The following TRIM3 variants were observed in gnomAD, a reference collection of about 807,000 sequenced individuals.
TRIM3 encodes tripartite motif containing 3.
A neutral mutation model predicts 66.6 loss-of-function variants in TRIM3; 13 were observed. That is an observed-to-expected ratio of 0.20 (90% CI 0.13 to 0.31). The LOEUF (loss-of-function observed/expected upper bound fraction) is 0.31, where lower values mean the gene tolerates loss of function less well. TRIM3 is among the 10% of genes least tolerant of loss of function. TRIM3 has a pLI of 1.00. For missense variants in TRIM3, 711 were observed against 1,020.4 expected, an observed-to-expected ratio of 0.70 and a Z score of 4.13; for synonymous variants, 406 against 411.7, an observed-to-expected ratio of 0.99 and a Z score of 0.17.
intron 1 of TRIM3, among the ~76,000 whole-genome samples, chr11:6,468,061 T>C (rs899269023): frequency 6.6e-6 from 1 of 151,590 alleles, no homozygotes; most frequent in Non-Finnish European, 1.5e-5. Flanking sequence ...AGGAAGGAGG[T>C]TCACTTGAGC....
chr11:6,451,593 G>A (rs1849721917), intron 7 of TRIM3, 155 bp from the exon 8 acceptor site: 2 of 752,384 alleles, frequency 2.7e-6, no homozygotes, highest in Admixed American at 5.7e-5. Context: ...ATGGCAGCAG[G>A]TCTGGGGCAA....
chr11:6,470,894 T>C (rs1850663504), intron 1 of TRIM3, among the ~76,000 whole-genome samples: 3 of 152,166 alleles, frequency 2.0e-5, no homozygotes, highest in Admixed American at 2.0e-4. Flanking sequence ...ACAGATGTCA[T>C]GAATGCCAAG....
rs1850050790 is a variant in TRIM3 at position 6,457,548 on chromosome 11, C to A, written c.516-72G>T. The A allele has an allele frequency of 3.2e-6, 5 of 1,571,726 alleles. No homozygotes were observed. Among genetic ancestry groups the A allele is most frequent in the East Asian group, 2.2e-5 (1 of 44,510 alleles). On this transcript the variant is annotated intron_variant, in intron 4 of 11. Coordinates refer to ENST00000345851, the MANE Select transcript of TRIM3 (RefSeq NM_033278.4). The surrounding 1 kb of genome is among the most constrained non-coding windows in gnomAD (Gnocchi z 4.5). Reference sequence around the variant, plus strand: ...CGAACTTTCCCTTCTCCCTGGGGAACCTACTGCTGCCCTCATGGAGATCTC... The same window carrying A: ...CGAACTTTCCCTTCTCCCTGGGGAAACTACTGCTGCCCTCATGGAGATCTC...
intron 2 of TRIM3, among the ~76,000 whole-genome samples, chr11:6,461,663 T>C (rs1039388603): frequency 1.3e-5 from 2 of 152,176 alleles, no homozygotes; most frequent in African/African-American, 4.8e-5. Context: ...AGCAGCTTTC[T>C]TCCAAGCTCA....
intron 7 of TRIM3, chr11:6,453,259 G>A (rs1444621482): frequency 1.3e-5 from 2 of 152,200 alleles, no homozygotes; most frequent in Non-Finnish European, 2.9e-5. Flanking sequence ...ATCTGCAAAA[G>A]TGAATTCATC....
At chr11:6,467,700 G>T (rs973064769) in intron 1 of TRIM3, among the ~76,000 whole-genome samples, 2 of 152,184 alleles carry the variant, frequency 1.3e-5, no homozygotes, top group African/African-American at 4.8e-5. Context: ...AGGAGGTCGA[G>T]GCTGCAGTGA....
chr11:6,465,647 T>C lies in TRIM3; in HGVS notation c.49A>G (p.Lys17Glu). 6.2e-7 allele frequency: 1 copy of C among 1,614,192 alleles called. No individual in the cohort carries two copies. The highest frequency in any genetic ancestry group is 8.5e-7 in the Non-Finnish European group (1 of 1,180,024). The change falls in exon 2 of 12, where the codon AAG becomes GAG. Residue 17 changes from lysine to glutamate, a missense_variant. By Grantham distance (56) the Lys-to-Glu change is moderately conservative. Coordinates refer to ENST00000345851, the MANE Select transcript of TRIM3 (RefSeq NM_033278.4). ...SPGPEVQPMD[K>E]QFLVCSICLD... ...CAGATGCTGCATACCAGGAACTGCT[T>C]GTCCATTGGCTGGACCTCTGGGCCA... is the stretch of plus-strand genomic sequence containing the variant.
In TRIM3 at chr11:6,470,028, T is replaced by C. The variant is rs140688200; in HGVS notation, c.-38+3763A>G. 5.5e-3 allele frequency among the ~76,000 whole-genome samples: 836 copies of C among 152,310 alleles called. 3 individuals carry two copies. The highest frequency in any genetic ancestry group is 0.027 in the Middle Eastern group (8 of 294). On this transcript the variant is annotated intron_variant, in intron 1 of 11. Transcript: ENST00000345851. The stretch of plus-strand genomic sequence containing the variant: ...ATCATGCAATGCCTTGTTGGTCTTA[T>C]TAAGGAGTTTAGACTTTACGCTTAC...
rs1425228670 is a variant in TRIM3, at chr11:6,458,412, T to C, written c.132-116A>G. ...TCACAGGTGTGCCATTACACTTCAT[T>C]TTAAAACCTCTCTGCTTGACACATC... is the stretch of plus-strand genomic sequence containing the variant. On this transcript the variant is annotated intron_variant, in intron 2 of 11. Transcript: ENST00000345851. The surrounding 1 kb of genome is among the most constrained non-coding windows in gnomAD (Gnocchi z 6.2). The C allele has an allele frequency of 1.2e-6, 1 of 814,612 alleles. No homozygotes were observed. Among genetic ancestry groups the C allele is most frequent in the African/African-American group, 1.7e-5 (1 of 57,970 alleles). The allele number at this position is 814,612 out of a possible 1,614,324, so 50.5% of individuals were successfully genotyped here. A position where few individuals can be genotyped will look rare whatever the true frequency, so the allele number is the denominator to read the frequency against.
chr11:6,454,628 C>G (rs1334780152), intron 7 of TRIM3, among the ~76,000 whole-genome samples: 1 of 152,148 alleles, frequency 6.6e-6, no homozygotes, highest in Non-Finnish European at 1.5e-5. Context: ...CAATCCCCTC[C>G]TCACTATCCA....
Position 6,465,644 on chromosome 11 carries a change from G to C in TRIM3, c.52C>G (p.Gln18Glu). 2 of 1,614,188 alleles carry C rather than the reference G, an allele frequency of 1.2e-6. No homozygotes were observed. Among genetic ancestry groups the C allele is most frequent in the Non-Finnish European group, 8.5e-7 (1 of 1,180,032 alleles). Residue 18 changes from glutamine to glutamate, a missense_variant, in exon 2 of 12, where the codon CAG becomes GAG. Gln to Glu is a conservative substitution (Grantham distance 29). Around this residue, in one of 3 missense-constraint regions of TRIM3, gnomAD observed 149 missense variants for 240.3 expected, o/e 0.62. Coordinates refer to ENST00000345851, the MANE Select transcript of TRIM3 (RefSeq NM_033278.4). ...PGPEVQPMDKQFLVCSICLDR... is the reference protein window; with the variant it reads ...PGPEVQPMDKEFLVCSICLDR... ...AGGCAGATGCTGCATACCAGGAACT[G>C]CTTGTCCATTGGCTGGACCTCTGGG...
chr11:6,465,780 C>A, intron 1 of TRIM3, 48 bp from the exon 2 acceptor site: 1 of 1,532,052 alleles, frequency 6.5e-7, no homozygotes, highest in South Asian at 1.2e-5. Flanking sequence ...CTTCTTCTCC[C>A]CACCCAATCC....
intron 1 of TRIM3, among the ~76,000 whole-genome samples, chr11:6,470,460 G>A (rs534428381): frequency 1.9e-3 from 282 of 152,252 alleles, no homozygotes; most frequent in Non-Finnish European, 2.4e-3. Context: ...CTGGAATGTG[G>A]TGTTATGATC....
At position 6,456,329 on chromosome 11, in the gene TRIM3, T is replaced by C; in HGVS notation, c.1397A>G (p.Asn466Ser). The change falls in exon 6 of 12, where the codon AAC (asparagine) becomes AGC (serine). Residue 466 changes from asparagine (N) to serine (S), a missense_variant. Asn to Ser is a conservative substitution (Grantham distance 46). Around this residue, in one of 3 missense-constraint regions of TRIM3, gnomAD observed 399 missense variants for 458.1 expected, o/e 0.87. Coordinates refer to ENST00000345851, the MANE Select transcript of TRIM3 (RefSeq NM_033278.4). The surrounding 1 kb of genome is among the most constrained non-coding windows in gnomAD (Gnocchi z 6.4). ...GAAGACGAGCTCATCCTCAATTGGG[T>C]TGTCCTTTCGTTTGCCGCCTGTGCT... Reference protein sequence around the residue: ...MYSTGGKRKDNPIEDELVFRV... With the variant: ...MYSTGGKRKDSPIEDELVFRV... 6.5e-7 allele frequency: 1 copy of C among 1,545,140 alleles called. No homozygotes were observed. The highest frequency in any genetic ancestry group is 8.8e-7 in the Non-Finnish European group (1 of 1,142,156).
intron 1 of TRIM3, among the ~76,000 whole-genome samples, chr11:6,469,172 G>GGGAGGAAGAGT (rs1157225331): frequency 6.6e-6 from 1 of 152,220 alleles, no homozygotes; most frequent in African/African-American, 2.4e-5. Flanking sequence ...GGGAAAGGCT[G>GGGAGGAAGAGT]GGAGGAAGAG....
Position 6,456,783 on chromosome 11 carries a change from G to C in TRIM3, c.943C>G (p.Leu315Val). The C allele has an allele frequency of 1.9e-6, 3 of 1,612,368 alleles. No individual in the cohort carries two copies. Among genetic ancestry groups the C allele is most frequent in the Non-Finnish European group, 2.5e-6 (3 of 1,179,962 alleles). The change falls in exon 6 of 12, where the codon CTG (leucine) becomes GTG (valine). Residue 315 changes from leucine (L) to valine (V), a missense_variant. Leu to Val is a conservative substitution (Grantham distance 32). Around this residue, in one of 3 missense-constraint regions of TRIM3, gnomAD observed 399 missense variants for 458.1 expected, o/e 0.87. Coordinates refer to ENST00000345851, the MANE Select transcript of TRIM3 (RefSeq NM_033278.4). This position sits in a 1 kb window ranked among gnomAD's most constrained non-coding sequence, Gnocchi z 6.4. ...LRRSVLNLGA[L>V]LTTSATAHET... Reference sequence around the variant, plus strand: ...TGTGCAGTGGCGCTCGTGGTGAGCAGTGCGCCCAGATTGAGCACCGATCGC... The same window carrying C: ...TGTGCAGTGGCGCTCGTGGTGAGCACTGCGCCCAGATTGAGCACCGATCGC...
intron 2 of TRIM3, among the ~76,000 whole-genome samples, chr11:6,465,227 G>T (rs1850407798): frequency 6.6e-6 from 1 of 152,134 alleles, no homozygotes; most frequent in Admixed American, 6.5e-5. Flanking sequence ...CCTCCAACTA[G>T]TCATAAATTG....
intron 7 of TRIM3, among the ~76,000 whole-genome samples, 171 bp downstream of exon 7, chr11:6,455,901 G>A (rs148768534): frequency 2.1e-3 from 321 of 152,292 alleles, no homozygotes; most frequent in Admixed American, 3.4e-3. Flanking sequence ...ATGGGAATGG[G>A]GTGGCTGGTG....
chr11:6,450,433 G>A lies in TRIM3; in HGVS notation c.1941+118C>T. The A allele has an allele frequency of 1.1e-6, 1 of 888,344 alleles. No individual in the cohort carries two copies. The highest frequency in any genetic ancestry group is 1.5e-5 in the South Asian group (1 of 68,792). The allele number at this position is 888,344 out of a possible 1,614,324, so 55.0% of individuals were successfully genotyped here. A position where few individuals can be genotyped will look rare whatever the true frequency, so the allele number is the denominator to read the frequency against. On this transcript the variant is annotated intron_variant, in intron 10 of 11. Transcript: ENST00000345851. This position sits in a 1 kb window ranked among gnomAD's most constrained non-coding sequence, Gnocchi z 4.8. ...AGCAGCCATGCATAAATGTGTAAAT[G>A]TGTATTGTTTGAGTGAATGATCTCA...
Sources: gnomAD v4.1 joint callset for allele counts (sites outside exome capture counted in the v4.1 genomes callset) on GRCh38, gnomAD v4.1.1 for gene constraint, gnomAD v4.1.1 regional missense constraint, Gnocchi (gnomAD v3.1) non-coding constraint, MANE v1.5 for transcripts, NCBI Gene and HGNC (gene_info 2026-07-23, HGNC 2026-07-21) for gene names.